The following PTK7 variants were observed in gnomAD, a reference collection of about 807,000 sequenced individuals.
The protein encoded by PTK7 is inactive tyrosine-protein kinase 7.
In PTK7, 39 loss-of-function variants were observed where a neutral mutation model predicts 116.6. That is an observed-to-expected ratio of 0.33 (90% CI 0.26 to 0.44). The LOEUF (loss-of-function observed/expected upper bound fraction) is 0.44. Among genes scored for constraint, PTK7 ranks in the 20% least tolerant of loss-of-function variants. PTK7 has a pLI of 1.00. For synonymous variants in PTK7, 546 were observed against 563.6 expected (o/e 0.97, Z 0.44); for missense variants, 1,169 against 1,425.6 (o/e 0.82, Z 2.90).
intron 17 of PTK7, among the ~76,000 whole-genome samples, chr6:43,152,734 TTTATG>T (rs59689086): frequency 0.23 from 33,717 of 143,962 alleles, 3,974 homozygotes; most frequent in Non-Finnish European, 0.25. Context: ...TTTTATTTTA[TTTATG>T]TTATGTTATG....
chr6:43,101,196 C>T (rs1481988461), intron 1 of PTK7, among the ~76,000 whole-genome samples: 1 of 137,980 alleles, frequency 7.2e-6, no homozygotes, highest in Non-Finnish European at 1.5e-5. Flanking sequence ...GCCTGGGCAA[C>T]AAGAGCGAAG....
chr6:43,100,939 A>G (rs984977618), intron 1 of PTK7, among the ~76,000 whole-genome samples: 2 of 152,248 alleles, frequency 1.3e-5, no homozygotes, highest in African/African-American at 4.8e-5. Flanking sequence ...AACGATTGAA[A>G]GATAGTTGTA....
intron 1 of PTK7, among the ~76,000 whole-genome samples, chr6:43,079,866 C>T (rs1452792275): frequency 6.8e-6 from 1 of 146,264 alleles, no homozygotes; most frequent in African/African-American, 2.5e-5. Flanking sequence ...CAAGACCAGC[C>T]TTGGCAACAC....
At chr6:43,155,645 C>CA (rs60105248) in intron 17 of PTK7, among the ~76,000 whole-genome samples, 29,908 of 136,008 alleles carry the variant, frequency 0.22, 3,709 homozygotes, top group East Asian at 0.4. Flanking sequence ...AAGACTCCAT[C>CA]AAAAAAAAAA....
intron 7 of PTK7, among the ~76,000 whole-genome samples, chr6:43,135,606 C>T (rs1769982693): frequency 1.3e-5 from 2 of 152,026 alleles, no homozygotes; most frequent in Non-Finnish European, 2.9e-5. Context: ...TGTGATAGGC[C>T]CTGAGATGGA....
At chr6:43,099,024 TATTA>T (rs1183348644) in intron 1 of PTK7, among the ~76,000 whole-genome samples, 16 of 152,190 alleles carry the variant, frequency 1.1e-4, no homozygotes, top group Non-Finnish European at 2.2e-4. Context: ...AATTTACGAT[TATTA>T]ATTTTCTTTT....
At chr6:43,127,991 T>C (rs1769401351) in intron 1 of PTK7, among the ~76,000 whole-genome samples, 1 of 152,156 alleles carries the variant, frequency 6.6e-6, no homozygotes, top group South Asian at 2.1e-4. Context: ...AGCCCAGGTT[T>C]CTAGAGAATC....
chr6:43,156,647 T>A (rs1478389524), intron 17 of PTK7, among the ~76,000 whole-genome samples: 1 of 151,876 alleles, frequency 6.6e-6, no homozygotes, highest in Non-Finnish European at 1.5e-5. Flanking sequence ...ATGTCTGTAA[T>A]CCCAGCACTT....
chr6:43,119,813 C>T (rs1768854202), intron 1 of PTK7, among the ~76,000 whole-genome samples: 1 of 152,128 alleles, frequency 6.6e-6, no homozygotes, highest in South Asian at 2.1e-4. Context: ...CCTCTTGGGG[C>T]CAAGAATGGA....
rs569597643 is a variant in PTK7, at chr6:43,159,821, G to A, written c.2907G>A (p.Pro969=). ...EYYHFRQAWV[P]LRWMSPEAIL... ...ACCACTTCCGCCAGGCCTGGGTGCC[G>A]CTGCGCTGGATGTCCCCCGAGGCCA... Residue 969 remains proline (P), a synonymous_variant, in exon 19 of 20, where the codon CCG becomes CCA. Coordinates refer to ENST00000230419, the MANE Select transcript of PTK7 (RefSeq NM_002821.5). 17 of 1,614,202 alleles carry A rather than the reference G, an allele frequency of 1.1e-5. No individual in the cohort carries two copies. The highest frequency in any genetic ancestry group is 1.6e-4 in the Middle Eastern group (1 of 6,062).
Position 43,157,373 on chromosome 6 carries a change from T to TC in PTK7, c.2722-1444_2722-1443insC, listed in dbSNP as rs1771556399. On this transcript the variant is annotated intron_variant, in intron 17 of 19. Coordinates refer to ENST00000230419, the MANE Select transcript of PTK7 (RefSeq NM_002821.5). ...ATATATATATATATATATTTTTTTT[T>TC]TTCTTTTTTTTTTTTTTTTTTTAAT... 6.9e-5 allele frequency among the ~76,000 whole-genome samples: 6 copies of TC among 87,014 alleles called. 1 individual carries two copies. The highest frequency in any genetic ancestry group is 1.3e-4 in the Non-Finnish European group (6 of 45,182). 57.1% of individuals were successfully genotyped at this position (87,014 alleles called of 152,430 possible).
chr6:43,115,554 T>G (rs370122476), intron 1 of PTK7, among the ~76,000 whole-genome samples: 2 of 152,156 alleles, frequency 1.3e-5, no homozygotes, highest in East Asian at 3.9e-4. Flanking sequence ...TCCCCTTGTC[T>G]CCGGTGCATT....
At position 43,160,862 on chromosome 6, in the gene PTK7, C is replaced by T. The variant is rs764212674; in HGVS notation, c.3194C>T (p.Thr1065Ile). The change falls in exon 20 of 20, where the codon ACC becomes ATC. Residue 1065 changes from threonine (T) to isoleucine (I), a missense_variant. By Grantham distance (89) the Thr-to-Ile change is moderately conservative (BLOSUM62 -1). Around this residue, in one of 3 missense-constraint regions of PTK7, gnomAD observed 678 missense variants for 853.8 expected, o/e 0.79. Transcript: ENST00000230419. ...SEIASALGDS[T>I]VDSKP ...ATTGCCAGCGCCCTGGGAGACAGCA[C>T]CGTGGACAGCAAGCCGTGAGGAGGG... is the stretch of plus-strand genomic sequence containing the variant. 1 of 1,614,026 alleles carries T rather than the reference C, an allele frequency of 6.2e-7. No homozygotes were observed. Among genetic ancestry groups the T allele is most frequent in the Admixed American group, 1.7e-5 (1 of 60,028 alleles).
intron 1 of PTK7, among the ~76,000 whole-genome samples, chr6:43,098,487 C>G (rs1039795143): frequency 1.3e-5 from 2 of 151,870 alleles, no homozygotes; most frequent in Non-Finnish European, 2.9e-5. Context: ...TCCCAAGTAG[C>G]TGGGATTACA....
rs1771804728 is a variant in PTK7 at position 43,160,810 on chromosome 6, C to T, written c.3142C>T (p.Pro1048Ser). 1 of 1,614,198 alleles carries T rather than the reference C, an allele frequency of 6.2e-7. No homozygotes were observed. The highest frequency in any genetic ancestry group is 8.5e-7 in the Non-Finnish European group (1 of 1,180,026). ...GATGCAGCGCTGCTGGGCCCTCAGCCCCAAGGACCGGCCCTCCTTCAGTGA... is the reference window on the plus strand; with the variant it reads ...GATGCAGCGCTGCTGGGCCCTCAGCTCCAAGGACCGGCCCTCCTTCAGTGA... Reference protein sequence around the residue: ...RLMQRCWALSPKDRPSFSEIA... With the variant: ...RLMQRCWALSSKDRPSFSEIA... Residue 1048 changes from proline (P) to serine (S), a missense_variant, in exon 20 of 20, where the codon CCC becomes TCC. Pro to Ser is a moderately conservative substitution (Grantham distance 74, BLOSUM62 -1). Transcript: ENST00000230419.
chr6:43,155,250 T>G (rs985182768), intron 17 of PTK7, among the ~76,000 whole-genome samples: 4 of 152,152 alleles, frequency 2.6e-5, no homozygotes, highest in Admixed American at 2.0e-4. Context: ...TTTGAACTCC[T>G]GGGCTCAAGC....
intron 1 of PTK7, among the ~76,000 whole-genome samples, chr6:43,080,954 T>C (rs202235668): frequency 2.2e-4 from 33 of 148,318 alleles, no homozygotes; most frequent in African/African-American, 7.2e-4. Flanking sequence ...AAAAAAAAAA[T>C]ACACACACAC....
In PTK7 at chr6:43,129,448, A is replaced by AT; in HGVS notation, c.367+190dup. 2 of 956,916 alleles carry AT rather than the reference A, an allele frequency of 2.1e-6. No homozygotes were observed. Among genetic ancestry groups the AT allele is most frequent in the East Asian group, 2.7e-5 (1 of 37,582 alleles). The allele number at this position is 956,916 out of a possible 1,614,324, so 59.3% of individuals were successfully genotyped here. ...AATTAAAAGTTATATTTTTTCCAAA[A>AT]TTTTTTCCTTCAAGTCTGGGACCCA... is the stretch of plus-strand genomic sequence containing the variant. On this transcript the variant is annotated intron_variant, in intron 2 of 19. Transcript: ENST00000230419. This position sits in a 1 kb window ranked among gnomAD's most constrained non-coding sequence, Gnocchi z 4.5.
chr6:43,112,333 A>G (rs567762954), intron 1 of PTK7, among the ~76,000 whole-genome samples: 2 of 151,420 alleles, frequency 1.3e-5, no homozygotes, highest in East Asian at 3.9e-4. Flanking sequence ...CAGTGGCGTG[A>G]TCTTGGCTCA....
Sources: allele counts gnomAD v4.1 joint callset (sites outside exome capture counted in the v4.1 genomes callset), GRCh38; gene constraint gnomAD v4.1.1; regional missense constraint gnomAD v4.1.1; non-coding constraint Gnocchi (gnomAD v3.1); transcripts MANE v1.5; gene names NCBI Gene and HGNC (gene_info 2026-07-23, HGNC 2026-07-21).